The following ITGB8 variants were observed in gnomAD, a reference collection of about 807,000 sequenced individuals.
ITGB8 encodes the protein integrin beta-8.
A neutral mutation model predicts 89.5 loss-of-function variants in ITGB8; 30 were observed. The ratio of observed to expected loss-of-function variants is 0.34; its 90% CI spans 0.25 to 0.45. The LOEUF is 0.45. Ranked by LOEUF, ITGB8 falls within the 20% of genes least tolerant of loss-of-function variation. The pLI, the probability that ITGB8 is intolerant of heterozygous loss-of-function variation, is 1.00. For missense variants in ITGB8, 836 were observed against 933.3 expected, an observed-to-expected ratio of 0.90 and a Z score of 1.36; for synonymous variants, 335 against 320.4, an observed-to-expected ratio of 1.05 and a Z score of -0.49.
intron 1 of ITGB8, among the ~76,000 whole-genome samples, chr7:20,354,848 T>C (rs1289414667): frequency 6.6e-6 from 1 of 152,240 alleles, no homozygotes; most frequent in Admixed American, 6.5e-5. Context: ...AAGGTGGGAA[T>C]TGTGGCATTT....
intron 2 of ITGB8, chr7:20,364,898 A>G (rs907288256): frequency 6.6e-6 from 1 of 152,182 alleles, no homozygotes; most frequent in Admixed American, 6.5e-5. Flanking sequence ...ACTTCATTTT[A>G]GATTTTTACT....
intron 1 of ITGB8, among the ~76,000 whole-genome samples, chr7:20,359,523 G>A (rs1012950675): frequency 3.3e-5 from 5 of 152,156 alleles, no homozygotes; most frequent in African/African-American, 1.2e-4. Flanking sequence ...TGGATGGGAG[G>A]GCAAATGAAC....
At chr7:20,372,548 C>T (rs1325706775) in intron 3 of ITGB8, among the ~76,000 whole-genome samples, 1 of 151,890 alleles carries the variant, frequency 6.6e-6, no homozygotes, top group East Asian at 1.9e-4. Flanking sequence ...GAGACTTAAG[C>T]TATATGAGGC....
At chr7:20,406,475 G>T (rs922262021) in intron 12 of ITGB8, among the ~76,000 whole-genome samples, 1 of 151,848 alleles carries the variant, frequency 6.6e-6, no homozygotes, top group Non-Finnish European at 1.5e-5. Flanking sequence ...CCTTGAATCC[G>T]GGAGGCGGAG....
chr7:20,357,327 G>A (rs1785331568), intron 1 of ITGB8, among the ~76,000 whole-genome samples: 1 of 151,838 alleles, frequency 6.6e-6, no homozygotes. Flanking sequence ...TTACTTAATA[G>A]CCATTTTTAT....
In ITGB8 at chr7:20,394,791, A is replaced by G. The variant is rs536068050; in HGVS notation, c.1057-105A>G. 143 of 768,134 alleles carry G rather than the reference A, an allele frequency of 1.9e-4. 1 individual carries two copies. Among genetic ancestry groups the G allele is most frequent in the Non-Finnish European group, 2.7e-4 (120 of 452,320 alleles). The allele number at this position is 768,134 out of a possible 1,614,324, so 47.6% of individuals were successfully genotyped here. A position where few individuals can be genotyped will look rare whatever the true frequency, so the allele number is the denominator to read the frequency against. On this transcript the variant is annotated intron_variant, in intron 7 of 13. Coordinates refer to ENST00000222573, the MANE Select transcript of ITGB8 (RefSeq NM_002214.3). ...TGTCTTATAGGTTTTCATTCATTTAATGGTTCACCTTCAACTGATAACTAC... is the reference window on the plus strand; with the variant it reads ...TGTCTTATAGGTTTTCATTCATTTAGTGGTTCACCTTCAACTGATAACTAC...
rs1454181393 is a variant in ITGB8, at chr7:20,413,190, A to G, written c.*3193A>G. On this transcript the variant is annotated 3_prime_UTR_variant, in exon 14 of 14. Transcript: ENST00000222573. The stretch of plus-strand genomic sequence containing the variant: ...TTTCTGGAGGACTTAAAAATTCACT[A>G]AAAATCTGATTATGTCTTAAATGTT... 6 of 152,296 alleles carry G rather than the reference A, an allele frequency of 3.9e-5. No individual in the cohort carries two copies. In the East Asian group the frequency reaches 9.6e-4, roughly 24 times the overall value. The allele number at this position is 152,296 out of a possible 1,614,324, so 9.4% of individuals were successfully genotyped here.
chr7:20,397,881 C>T (rs189875174), intron 8 of ITGB8, among the ~76,000 whole-genome samples: 1 of 152,182 alleles, frequency 6.6e-6, no homozygotes, highest in East Asian at 1.9e-4. Context: ...AATTAGAAGC[C>T]ACTGGAAATT....
chr7:20,380,473 C>A (rs1370273093), intron 4 of ITGB8, 193 bp from the exon 5 acceptor site: 3 of 539,610 alleles, frequency 5.6e-6, no homozygotes, highest in Non-Finnish European at 9.7e-6. Context: ...AGTCTTATTT[C>A]CTATTTGCAA....
intron 1 of ITGB8, among the ~76,000 whole-genome samples, chr7:20,344,994 T>C (rs761347102): frequency 6.6e-6 from 1 of 152,090 alleles, no homozygotes; most frequent in Non-Finnish European, 1.5e-5. Flanking sequence ...AGAAACAGAA[T>C]GTATAGCACA....
chr7:20,399,551 A>G (rs1254054673), intron 9 of ITGB8, among the ~76,000 whole-genome samples: 1 of 134,200 alleles, frequency 7.5e-6, no homozygotes, highest in Non-Finnish European at 1.6e-5. Flanking sequence ...CAAAATGGGA[A>G]GAGTCATCAT....
rs1249232860 is a variant in ITGB8 at position 20,413,267 on chromosome 7, G to C, written c.*3270G>C. 9 of 152,418 alleles carry C rather than the reference G, an allele frequency of 5.9e-5. No homozygotes were observed. Among genetic ancestry groups the C allele is most frequent in the Admixed American group, 6.6e-5 (1 of 15,256 alleles). The allele number at this position is 152,418 out of a possible 1,614,324, so 9.4% of individuals were successfully genotyped here. A position where few individuals can be genotyped will look rare whatever the true frequency, so the allele number is the denominator to read the frequency against. ...AAAAAAAAATCTAAGATTAAACACA[G>C]TAGATATCTCTGGAGGCAATTTTCC... On this transcript the variant is annotated 3_prime_UTR_variant, in exon 14 of 14. Coordinates refer to ENST00000222573, the MANE Select transcript of ITGB8 (RefSeq NM_002214.3).
At position 20,334,166 on chromosome 7, in the gene ITGB8, C is replaced by G. The variant is rs73264580; in HGVS notation, c.127+2233C>G. 8.0e-3 allele frequency among the ~76,000 whole-genome samples: 1,214 copies of G among 152,196 alleles called. 13 individuals carry two copies. Among genetic ancestry groups the G allele is most frequent in the African/African-American group, 0.028 (1,162 of 41,528 alleles). On this transcript the variant is annotated intron_variant, in intron 1 of 13. Coordinates refer to ENST00000222573, the MANE Select transcript of ITGB8 (RefSeq NM_002214.3). ...GTGAGCAGTGGGGGATGTTATTAAT[C>G]AAATCCAAAGATTTCTGATGTAGCA...
chr7:20,368,606 T>C (rs1286352832), intron 3 of ITGB8, among the ~76,000 whole-genome samples: 3 of 152,202 alleles, frequency 2.0e-5, no homozygotes, highest in African/African-American at 4.8e-5. Context: ...AGCTTATATA[T>C]AAAGCTTAAC....
At chr7:20,330,866 C>G (rs1424188011), upstream of ITGB8, 1 of 152,956 alleles carries the variant, frequency 6.5e-6, no homozygotes, top group Admixed American at 6.5e-5. Context: ...CATCGCCGGC[C>G]TCGCCTCTCT....
intron 3 of ITGB8, among the ~76,000 whole-genome samples, chr7:20,375,214 A>G (rs1786090082): frequency 6.6e-6 from 1 of 152,198 alleles, no homozygotes; most frequent in Non-Finnish European, 1.5e-5. Context: ...GGAAAAAAAA[A>G]AGGAAATGTT....
rs115778046 is a variant in ITGB8, at chr7:20,358,278, T to C, written c.128-5359T>C. ...ATTCCTGGCCTACCTGGTTACTTTC[T>C]CTAGATGGGAGATAGCAATGTGACA... On this transcript the variant is annotated intron_variant, in intron 1 of 13. Transcript: ENST00000222573. Among the ~76,000 whole-genome samples, 1,167 of 152,154 alleles carry C rather than the reference T, an allele frequency of 7.7e-3. 17 individuals carry two copies. The highest frequency in any genetic ancestry group is 0.027 in the African/African-American group (1,123 of 41,508).
intron 1 of ITGB8, among the ~76,000 whole-genome samples, chr7:20,348,215 C>T (rs889158026): frequency 6.6e-6 from 1 of 152,102 alleles, no homozygotes; most frequent in African/African-American, 2.4e-5. Context: ...AAAGTGAAAA[C>T]ATATGATGGA....
rs1787531741 is a variant in ITGB8 at position 20,406,117 on chromosome 7, T to G, written c.1969T>G (p.Cys657Gly). The change falls in exon 12 of 14, where the codon TGC (cysteine) becomes GGC (glycine). Residue 657 changes from cysteine (C) to glycine (G), a missense_variant. By Grantham distance (159) the Cys-to-Gly change is radical. Coordinates refer to ENST00000222573, the MANE Select transcript of ITGB8 (RefSeq NM_002214.3). ...HNLSQAILDQ[C>G]KTSCALMEQQ... ...TTTGTCTCAGGCTATACTTGATCAG[T>G]GCAAAACCTCATGTGCTCTCATGGA... 7 of 1,613,790 alleles carry G rather than the reference T, an allele frequency of 4.3e-6. No individual in the cohort carries two copies. Among genetic ancestry groups the G allele is most frequent in the Non-Finnish European group, 5.9e-6 (7 of 1,179,652 alleles).
Sources: gnomAD v4.1 joint callset for allele counts (sites outside exome capture counted in the v4.1 genomes callset) on GRCh38, gnomAD v4.1.1 for gene constraint, MANE v1.5 for transcripts, NCBI Gene and HGNC (gene_info 2026-07-23, HGNC 2026-07-21) for gene names.